TBC1D5: variants seen among roughly 807,000 people sequenced by gnomAD.
TBC1D5 encodes TBC1 domain family, member 5.
Under a neutral mutation model 100.3 loss-of-function variants are expected in TBC1D5, and 75 were observed. That is an observed-to-expected ratio of 0.75 (90% CI 0.62 to 0.91). TBC1D5 has a LOEUF of 0.91. TBC1D5 is among the 40% of genes least tolerant of loss of function. The pLI, the probability that TBC1D5 is intolerant of heterozygous loss-of-function variation, is 0.00. For synonymous variants in TBC1D5, 323 were observed against 325.6 expected (o/e 0.99, Z 0.09); for missense variants, 910 against 942.4 (o/e 0.97, Z 0.45).
intron 13 of TBC1D5, among the ~76,000 whole-genome samples, chr3:17,324,504 T>C (rs1335181265): frequency 6.6e-6 from 1 of 151,858 alleles, no homozygotes; most frequent in East Asian, 1.9e-4. Context: ...ATTAGCCGGG[T>C]GTAGTGGTGG....
chr3:17,216,583 C>G (rs926381042), intron 17 of TBC1D5, among the ~76,000 whole-genome samples: 2 of 152,082 alleles, frequency 1.3e-5, no homozygotes, highest in Non-Finnish European at 2.9e-5. Flanking sequence ...GAACAGGCCC[C>G]AAGGCCTAGA....
chr3:17,157,264 TG>T (rs1383995401), exon 22 of TBC1D5: 2 of 152,210 alleles, frequency 1.3e-5, no homozygotes, highest in Non-Finnish European at 2.9e-5. Context: ...AGCATAAAGA[TG>T]GATGAGAAAA....
chr3:17,718,388 G>T (rs949066175), intron 1 of TBC1D5, among the ~76,000 whole-genome samples: 1 of 152,168 alleles, frequency 6.6e-6, no homozygotes, highest in African/African-American at 2.4e-5. Context: ...ATGAGGTCAG[G>T]AGATCGAGAC....
intron 3 of TBC1D5, 35 bp downstream of exon 3, chr3:17,508,439 A>G (rs768837163): frequency 1.4e-5 from 21 of 1,551,884 alleles, no homozygotes; most frequent in Middle Eastern, 1.7e-4. Flanking sequence ...TTCCCAGTAC[A>G]CTACCTACAA....
Position 17,255,906 on chromosome 3 carries a change from T to G in TBC1D5, c.1331+2600A>C, listed in dbSNP as rs182848996. 2.2e-3 allele frequency among the ~76,000 whole-genome samples: 336 copies of G among 152,094 alleles called. 1 individual carries two copies. Among genetic ancestry groups the G allele is most frequent in the Admixed American group, 4.0e-3 (61 of 15,280 alleles). ...AAAAAATTAGCCAGGCGTGGCAGCG[T>G]GCGCCTGTAGTCCCAGCTACTTGGG... On this transcript the variant is annotated intron_variant, in intron 16 of 21. Coordinates refer to ENST00000253692, the Ensembl canonical transcript of TBC1D5.
intron 17 of TBC1D5, among the ~76,000 whole-genome samples, chr3:17,229,196 T>A (rs1184773169): frequency 1.3e-5 from 2 of 152,092 alleles, no homozygotes; most frequent in Non-Finnish European, 2.9e-5. Flanking sequence ...ACCCCTGTTC[T>A]GTGGCCACAG....
chr3:17,164,813 ACTTG>A (rs1383185529), intron 21 of TBC1D5, among the ~76,000 whole-genome samples: 2 of 152,216 alleles, frequency 1.3e-5, no homozygotes, highest in Non-Finnish European at 2.9e-5. Flanking sequence ...CTTCTTTCTG[ACTTG>A]CTTGCTTGAA....
intron 1 of TBC1D5, among the ~76,000 whole-genome samples, chr3:17,724,593 T>A (rs1452414050): frequency 1.3e-5 from 2 of 152,350 alleles, no homozygotes; most frequent in Non-Finnish European, 2.9e-5. Context: ...TAGAAGCATA[T>A]TTTCTTTACG....
chr3:17,363,730 TAGCTGAA>T (rs1559724161), intron 13 of TBC1D5, among the ~76,000 whole-genome samples: 2 of 152,014 alleles, frequency 1.3e-5, no homozygotes, highest in Non-Finnish European at 2.9e-5. Context: ...AATGTTTGAA[TAGCTGAA>T]AGTTTTCACT....
chr3:17,600,109 G>A (rs2060831801), intron 2 of TBC1D5, among the ~76,000 whole-genome samples: 1 of 152,186 alleles, frequency 6.6e-6, no homozygotes, highest in Non-Finnish European at 1.5e-5. Context: ...TTGAGATTTT[G>A]AGAAAGTCCC....
chr3:17,213,733 CAAAAAAAAAAA>C (rs71632897), intron 18 of TBC1D5, among the ~76,000 whole-genome samples: 4 of 61,048 alleles, frequency 6.6e-5, no homozygotes, highest in Admixed American at 2.4e-4. Context: ...GACTCTGTCT[CAAAAAAAAAAA>C]AAAAAAAAAA....
intron 2 of TBC1D5, among the ~76,000 whole-genome samples, chr3:17,561,401 A>G (rs931537355): frequency 6.6e-6 from 1 of 152,338 alleles, no homozygotes; most frequent in East Asian, 1.9e-4. Flanking sequence ...AAAAGAAAAT[A>G]TAACAAATAA....
intron 2 of TBC1D5, among the ~76,000 whole-genome samples, chr3:17,526,762 T>G (rs1174224458): frequency 6.6e-6 from 1 of 152,208 alleles, no homozygotes; most frequent in East Asian, 1.9e-4. Flanking sequence ...ACTACTCTAG[T>G]GAATATATTT....
chr3:17,161,216 G>T, exon 22 of TBC1D5: 1 of 1,614,118 alleles, frequency 6.2e-7, no homozygotes, highest in South Asian at 1.1e-5. Context: ...GAAGTCATCG[G>T]AATTCCCTCT....
chr3:17,734,592 C>A (rs932097772), intron 1 of TBC1D5, among the ~76,000 whole-genome samples: 12 of 152,078 alleles, frequency 7.9e-5, no homozygotes, highest in Admixed American at 1.3e-4. Context: ...AAAGGAAGAA[C>A]AAGACTTAGC....
intron 15 of TBC1D5, among the ~76,000 whole-genome samples, chr3:17,268,207 C>T (rs2079033496): frequency 1.3e-5 from 2 of 152,022 alleles, no homozygotes; most frequent in South Asian, 4.1e-4. Flanking sequence ...GTGAATTTCT[C>T]TAAATAGCAG....
intron 1 of TBC1D5, among the ~76,000 whole-genome samples, chr3:17,670,894 A>G (rs1235115209): frequency 6.6e-6 from 1 of 152,212 alleles, no homozygotes. Flanking sequence ...ATAATCGACT[A>G]AACAAGCTGC....
At chr3:17,217,194 G>C (rs892528807) in intron 17 of TBC1D5, among the ~76,000 whole-genome samples, 2 of 152,092 alleles carry the variant, frequency 1.3e-5, no homozygotes, top group African/African-American at 4.8e-5. Flanking sequence ...CTATGTTATA[G>C]CATGTATTAG....
At chr3:17,430,977 T>A (rs1318161463) in intron 3 of TBC1D5, among the ~76,000 whole-genome samples, 1 of 151,846 alleles carries the variant, frequency 6.6e-6, no homozygotes, top group South Asian at 2.1e-4. Context: ...AAAAAACATA[T>A]CTGTAACACC....
Sources: gnomAD v4.1 joint callset for allele counts (sites outside exome capture counted in the v4.1 genomes callset) on GRCh38, gnomAD v4.1.1 for gene constraint, MANE v1.5 for transcripts, NCBI Gene and HGNC (gene_info 2026-07-23, HGNC 2026-07-21) for gene names.